The following VCAN variants were observed in gnomAD, a reference collection of about 807,000 sequenced individuals.
VCAN encodes the protein versican core protein.
Under a neutral mutation model 245.5 loss-of-function variants are expected in VCAN, and 44 were observed. That is an observed-to-expected ratio of 0.18 (90% CI 0.14 to 0.23). VCAN has a LOEUF of 0.23. Among genes scored for constraint, VCAN ranks in the 10% least tolerant of loss-of-function variants. The pLI, the probability that VCAN is intolerant of heterozygous loss-of-function variation, is 1.00. For missense variants in VCAN, 3,793 were observed against 4,057.9 expected, an observed-to-expected ratio of 0.93 and a Z score of 1.77; for synonymous variants, 1,413 against 1,437.0, an observed-to-expected ratio of 0.98 and a Z score of 0.38.
At position 83,541,046 on chromosome 5, in the gene VCAN, A is replaced by G. The variant is rs2112448778; in HGVS notation, c.8043A>G (p.Thr2681=). ...GGATCCCTGCTCCTAGCACAGAAAC[A>G]GAATTAGACGTTTTACTTCCCACGG... is the stretch of plus-strand genomic sequence containing the variant. ...TTGIPAPSTE[T]ELDVLLPTAT... Residue 2681 remains threonine (T), a synonymous_variant, in exon 8 of 15, where the codon ACA becomes ACG. Coordinates refer to ENST00000265077, the MANE Select transcript of VCAN (RefSeq NM_004385.5). The G allele has an allele frequency of 6.2e-7, 1 of 1,614,070 alleles. No individual in the cohort carries two copies. The highest frequency in any genetic ancestry group is 1.7e-5 in the Admixed American group (1 of 60,004).
At chr5:83,530,521 A>G (rs1156622036) in intron 7 of VCAN, among the ~76,000 whole-genome samples, 3 of 152,152 alleles carry the variant, frequency 2.0e-5, no homozygotes, top group Admixed American at 6.6e-5. Context: ...GAGGAGCAAT[A>G]GGAATAAAAG....
intron 6 of VCAN, among the ~76,000 whole-genome samples, chr5:83,518,073 T>C (rs1338344743): frequency 1.3e-5 from 2 of 152,188 alleles, no homozygotes; most frequent in Non-Finnish European, 2.9e-5. Flanking sequence ...ATACTATAGA[T>C]ACTATGGCTA....
intron 1 of VCAN, among the ~76,000 whole-genome samples, chr5:83,473,378 G>T (rs74678720): frequency 0.16 from 24,386 of 151,702 alleles, 2,265 homozygotes; most frequent in African/African-American, 0.25. Flanking sequence ...CGGGAAGGGG[G>T]AGAAATCTAC....
chr5:83,519,557 T>C lies in VCAN; in HGVS notation c.1251T>C (p.Asp417=), dbSNP rs371700683. Reference sequence around the variant, plus strand: ...CAGTCCAACCTCAGGCTATCACAGATAGTTTAGCCACCAAATTACCCACAC... The same window carrying C: ...CAGTCCAACCTCAGGCTATCACAGACAGTTTAGCCACCAAATTACCCACAC... ...KATVQPQAIT[D]SLATKLPTPT... The change falls in exon 7 of 15, where the codon GAT becomes GAC. Residue 417 remains aspartate, a synonymous_variant. Coordinates refer to ENST00000265077, the MANE Select transcript of VCAN (RefSeq NM_004385.5). 77 of 1,613,970 alleles carry C rather than the reference T, an allele frequency of 4.8e-5. No individual in the cohort carries two copies. The highest frequency in any genetic ancestry group is 6.1e-5 in the Non-Finnish European group (72 of 1,179,960).
chr5:83,535,897 A>G (rs1746688317), intron 7 of VCAN: 1 of 152,212 alleles, frequency 6.6e-6, no homozygotes, highest in Non-Finnish European at 1.5e-5. Flanking sequence ...TTTATGGGTC[A>G]GTATATCCAC....
chr5:83,482,105 G>T (rs559586368), intron 1 of VCAN, among the ~76,000 whole-genome samples: 1 of 152,120 alleles, frequency 6.6e-6, no homozygotes, highest in South Asian at 2.1e-4. Flanking sequence ...AAGTTCAAAG[G>T]CATGGTCCAC....
intron 10 of VCAN, among the ~76,000 whole-genome samples, chr5:83,552,401 T>C (rs944180144): frequency 1.3e-5 from 2 of 152,198 alleles, no homozygotes; most frequent in Non-Finnish European, 2.9e-5. Context: ...TACATGTAAC[T>C]ACTTCAATAT....
chr5:83,520,326 C>A lies in VCAN; in HGVS notation c.2020C>A (p.Pro674Thr), dbSNP rs1218239923. The A allele has an allele frequency of 6.2e-7, 1 of 1,613,544 alleles. No individual in the cohort carries two copies. The highest frequency in any genetic ancestry group is 2.2e-5 in the East Asian group (1 of 44,850). ...AGAGGGAATTTCCACAGTTATTTAT[C>A]CTTCTCTACAAACAGAAATGACACA... is the stretch of plus-strand genomic sequence containing the variant. Reference protein sequence around the residue: ...LVEGISTVIYPSLQTEMTHRR... With the variant: ...LVEGISTVIYTSLQTEMTHRR... The change falls in exon 7 of 15, where the codon CCT becomes ACT. Residue 674 changes from proline (P) to threonine (T), a missense_variant. Pro to Thr is a conservative substitution (Grantham distance 38, BLOSUM62 -1). Coordinates refer to ENST00000265077, the MANE Select transcript of VCAN (RefSeq NM_004385.5).
chr5:83,580,470 A>G lies in VCAN; in HGVS notation c.*36A>G. The G allele has an allele frequency of 1.2e-6, 2 of 1,612,636 alleles. No homozygotes were observed. The highest frequency in any genetic ancestry group is 1.7e-6 in the Non-Finnish European group (2 of 1,179,262). On this transcript the variant is annotated 3_prime_UTR_variant, in exon 15 of 15. Coordinates refer to ENST00000265077, the MANE Select transcript of VCAN (RefSeq NM_004385.5). The stretch of plus-strand genomic sequence containing the variant: ...GGCGAACATGTGTTTTCATCATTTC[A>G]GCCAAAGTCCTAACTTCCTGTGCCT...
intron 12 of VCAN, among the ~76,000 whole-genome samples, chr5:83,559,467 C>G (rs1235191268): frequency 4.6e-5 from 7 of 152,142 alleles, no homozygotes; most frequent in Non-Finnish European, 1.0e-4. Context: ...TCAAAATACT[C>G]TCAGCTCCTG....
chr5:83,571,273 T>G (rs1212538461), intron 12 of VCAN, among the ~76,000 whole-genome samples: 1 of 152,176 alleles, frequency 6.6e-6, no homozygotes, highest in Non-Finnish European at 1.5e-5. Flanking sequence ...TTATCAAAGT[T>G]TGTTATTCTT....
At chr5:83,483,906 C>A (rs1055401886) in intron 2 of VCAN, among the ~76,000 whole-genome samples, 1 of 152,030 alleles carries the variant, frequency 6.6e-6, no homozygotes, top group African/African-American at 2.4e-5. Flanking sequence ...AAAAACTTTC[C>A]TATGCAAAAA....
At chr5:83,481,948 T>C (rs1332724602) in intron 1 of VCAN, among the ~76,000 whole-genome samples, 1 of 152,222 alleles carries the variant, frequency 6.6e-6, no homozygotes, top group Non-Finnish European at 1.5e-5. Flanking sequence ...GTTTGCTAAA[T>C]AATATAGAAT....
Position 83,546,406 on chromosome 5 carries a change from A to G in VCAN, c.9379+756A>G, listed in dbSNP as rs138207401. Among the ~76,000 whole-genome samples, 18 of 152,212 alleles carry G rather than the reference A, an allele frequency of 1.2e-4. No individual in the cohort carries two copies. In the Middle Eastern group the frequency reaches 0.01, roughly 86 times the overall value. On this transcript the variant is annotated intron_variant, in intron 9 of 14. Coordinates refer to ENST00000265077, the MANE Select transcript of VCAN (RefSeq NM_004385.5). ...AAGAAAGCTCACCAATAGCACTTTA[A>G]ATTATACATCAATATTGCGATACAA...
intron 5 of VCAN, among the ~76,000 whole-genome samples, chr5:83,511,165 G>A (rs539244633): frequency 6.6e-6 from 1 of 151,012 alleles, no homozygotes; most frequent in East Asian, 2.0e-4. Context: ...TTTTCGAGAC[G>A]GAGTCTCGCT....
At chr5:83,535,644 T>C (rs762320615) in intron 7 of VCAN, 2 of 152,140 alleles carry the variant, frequency 1.3e-5, no homozygotes, top group Non-Finnish European at 2.9e-5. Flanking sequence ...AGATATTGTT[T>C]CTTCTATACA....
chr5:83,485,976 C>A (rs913066520), intron 2 of VCAN, among the ~76,000 whole-genome samples: 1 of 151,866 alleles, frequency 6.6e-6, no homozygotes, highest in Admixed American at 6.6e-5. Context: ...TGGCTTGGGC[C>A]TGTAGTAGCT....
rs1414684922 is a variant in VCAN, at chr5:83,520,304, G to A, written c.1998G>A (p.Glu666=). The change falls in exon 7 of 15, where the codon GAG becomes GAA. Residue 666 remains glutamate (E), a synonymous_variant. Transcript: ENST00000265077. ...ATTCTGGTGATAAAATATTAGTAGAGGGAATTTCCACAGTTATTTATCCTT... is the reference window on the plus strand; with the variant it reads ...ATTCTGGTGATAAAATATTAGTAGAAGGAATTTCCACAGTTATTTATCCTT... ...FPYSGDKILV[E]GISTVIYPSL... 1.9e-6 allele frequency: 3 copies of A among 1,613,812 alleles called. No individual in the cohort carries two copies. The highest frequency in any genetic ancestry group is 2.5e-6 in the Non-Finnish European group (3 of 1,179,940).
intron 12 of VCAN, among the ~76,000 whole-genome samples, chr5:83,565,736 A>T (rs985360805): frequency 6.6e-6 from 1 of 152,090 alleles, no homozygotes; most frequent in Non-Finnish European, 1.5e-5. Context: ...TTGCTCTTAA[A>T]ACTTCTTAGT....
Sources: allele counts gnomAD v4.1 joint callset (sites outside exome capture counted in the v4.1 genomes callset), GRCh38; gene constraint gnomAD v4.1.1; transcripts MANE v1.5; gene names NCBI Gene and HGNC (gene_info 2026-07-23, HGNC 2026-07-21).